The following PIRT variants were observed in gnomAD, a reference collection of about 807,000 sequenced individuals.
PIRT encodes phosphoinositide-interacting protein.
In PIRT, 6 loss-of-function variants were observed where a neutral mutation model predicts 7.9. The ratio of observed to expected loss-of-function variants is 0.76; its 90% CI spans 0.42 to 1.51. The LOEUF is 1.51. Ranked by LOEUF, PIRT falls within the 40% of genes most tolerant of loss-of-function variation. The pLI, the probability that PIRT is intolerant of heterozygous loss-of-function variation, is 0.01. For missense variants in PIRT, 170 were observed against 172.9 expected (o/e 0.98, Z 0.09); for synonymous variants, 78 against 71.8 (o/e 1.09, Z -0.44).
At chr17:10,836,033 G>T (rs1905582238) in intron 1 of PIRT, among the ~76,000 whole-genome samples, 1 of 151,950 alleles carries the variant, frequency 6.6e-6, no homozygotes, top group South Asian at 2.1e-4. Flanking sequence ...CTCCTGAGTA[G>T]CTGGGATTAC....
intron 1 of PIRT, among the ~76,000 whole-genome samples, chr17:10,828,377 A>G (rs1334963570): frequency 1.3e-5 from 2 of 151,926 alleles, no homozygotes; most frequent in Admixed American, 6.6e-5. Flanking sequence ...CTTGGCTTCT[A>G]CCCTCTTTCC....
At chr17:10,826,602 G>C (rs1292725663) in intron 1 of PIRT, among the ~76,000 whole-genome samples, 1 of 152,180 alleles carries the variant, frequency 6.6e-6, no homozygotes, top group Non-Finnish European at 1.5e-5. Flanking sequence ...TGTGAATTAG[G>C]CATTAGTCCT....
chr17:10,828,319 T>C (rs1905382027), intron 1 of PIRT, among the ~76,000 whole-genome samples: 1 of 152,164 alleles, frequency 6.6e-6, no homozygotes, highest in Non-Finnish European at 1.5e-5. Context: ...CCGAGGCTTC[T>C]GCTCTTTCTG....
intron 1 of PIRT, among the ~76,000 whole-genome samples, chr17:10,826,248 G>A (rs1385149495): frequency 1.3e-5 from 2 of 152,178 alleles, no homozygotes; most frequent in Non-Finnish European, 2.9e-5. Flanking sequence ...ACAGGCATGA[G>A]CCACCGCACC....
intron 1 of PIRT, among the ~76,000 whole-genome samples, chr17:10,833,539 G>A (rs185170474): frequency 6.6e-6 from 1 of 152,260 alleles, no homozygotes; most frequent in East Asian, 1.9e-4. Flanking sequence ...GATCACTTGA[G>A]GTCAGGAGTT....
At chr17:10,830,760 G>T (rs539269816) in intron 1 of PIRT, among the ~76,000 whole-genome samples, 5 of 152,188 alleles carry the variant, frequency 3.3e-5, no homozygotes. Context: ...TTTTATTAAA[G>T]CCCCAATAAG....
chr17:10,829,778 T>C (rs904026663), intron 1 of PIRT, among the ~76,000 whole-genome samples: 1 of 152,222 alleles, frequency 6.6e-6, no homozygotes, highest in African/African-American at 2.4e-5. Context: ...TTGTAAGTTT[T>C]TCATAATGTT....
intron 1 of PIRT, among the ~76,000 whole-genome samples, chr17:10,832,276 G>A (rs185469739): frequency 1.5e-4 from 23 of 151,970 alleles, no homozygotes; most frequent in African/African-American, 4.3e-4. Context: ...CACCGCAACC[G>A]CCGCCTCCTG....
chr17:10,833,236 T>C (rs1425383348), intron 1 of PIRT, among the ~76,000 whole-genome samples: 4 of 152,192 alleles, frequency 2.6e-5, no homozygotes, highest in Non-Finnish European at 5.9e-5. Flanking sequence ...ATCCTGGGTC[T>C]AACCTAAATG....
At chr17:10,829,140 C>T (rs1033043382) in intron 1 of PIRT, among the ~76,000 whole-genome samples, 1 of 152,182 alleles carries the variant, frequency 6.6e-6, no homozygotes, top group Non-Finnish European at 1.5e-5. Context: ...GATGTTTGAT[C>T]ATCTTCAGCA....
intron 1 of PIRT, among the ~76,000 whole-genome samples, chr17:10,834,318 T>C (rs1013185884): frequency 1.3e-5 from 2 of 152,182 alleles, no homozygotes; most frequent in African/African-American, 4.8e-5. Context: ...CACAACAGCA[T>C]GGATGAGCCA....
At chr17:10,836,201 C>T (rs1286247236) in intron 1 of PIRT, among the ~76,000 whole-genome samples, 1 of 152,188 alleles carries the variant, frequency 6.6e-6, no homozygotes, top group East Asian at 1.9e-4. Context: ...CTGCACCCGG[C>T]CAATCCTGCT....
At position 10,825,240 on chromosome 17, in the gene PIRT, T is replaced by G; in HGVS notation, c.406A>C (p.Thr136Pro). The G allele has an allele frequency of 6.2e-7, 1 of 1,613,160 alleles. No individual in the cohort carries two copies. Among genetic ancestry groups the G allele is most frequent in the Non-Finnish European group, 8.5e-7 (1 of 1,179,326 alleles). The change falls in exon 2 of 2, where the codon ACT becomes CCT. Residue 136 changes from threonine (T) to proline (P), a missense_variant. Coordinates refer to ENST00000580256, the MANE Select transcript of PIRT (RefSeq NM_001101387.2). Reference sequence around the variant, plus strand: ...AGATGCGGAAACCACCATCAGCGAGTCAGGAAGAAGGACTTGAGGCTGCGT... The same window carrying G: ...AGATGCGGAAACCACCATCAGCGAGGCAGGAAGAAGGACTTGAGGCTGCGT... The part of the protein sequence containing the change: ...FLRSLKSFFL[T>P]R
chr17:10,827,465 C>CTTTTTTTTTTTTTTTTTTT lies in PIRT; in HGVS notation c.-138-1701_-138-1683dup, dbSNP rs546105685. ...TCTTTCTTTTCTTTCTTTTTCTTTT[C>CTTTTTTTTTTTTTTTTTTT]TTTTTTTTTTTTTTTTTTTTTTTTT... On this transcript the variant is annotated intron_variant, in intron 1 of 1. Transcript: ENST00000580256. Among the ~76,000 whole-genome samples the CTTTTTTTTTTTTTTTTTTT allele has an allele frequency of 3.5e-3, 198 of 56,286 alleles. 15 individuals carry two copies. Among genetic ancestry groups the CTTTTTTTTTTTTTTTTTTT allele is most frequent in the South Asian group, 5.0e-3 (5 of 996 alleles). The allele number at this position is 56,286 out of a possible 152,430, so 36.9% of individuals were successfully genotyped here. A position where few individuals can be genotyped will look rare whatever the true frequency, so the allele number is the denominator to read the frequency against.
In PIRT at chr17:10,825,088, C is replaced by T; in HGVS notation, c.*144G>A. On this transcript the variant is annotated 3_prime_UTR_variant, in exon 2 of 2. Coordinates refer to ENST00000580256, the MANE Select transcript of PIRT (RefSeq NM_001101387.2). Reference sequence around the variant, plus strand: ...TTCCCGGCTGCATGGAGGGTGGAGCCCCAAGCTCTATCTTCCCCACAGGGT... The same window carrying T: ...TTCCCGGCTGCATGGAGGGTGGAGCTCCAAGCTCTATCTTCCCCACAGGGT... The T allele has an allele frequency of 9.1e-7, 1 of 1,097,130 alleles. No individual in the cohort carries two copies. The highest frequency in any genetic ancestry group is 1.3e-6 in the Non-Finnish European group (1 of 778,070). The allele number at this position is 1,097,130 out of a possible 1,614,324, so 68.0% of individuals were successfully genotyped here.
chr17:10,825,622 C>G lies in PIRT; in HGVS notation c.24G>C (p.Lys8Asn), dbSNP rs1474513855. The G allele has an allele frequency of 6.7e-7, 1 of 1,499,790 alleles. No homozygotes were observed. Among genetic ancestry groups the G allele is most frequent in the Admixed American group, 2.3e-5 (1 of 43,514 alleles). The allele number at this position is 1,499,790 out of a possible 1,614,324, so 92.9% of individuals were successfully genotyped here. A position where few individuals can be genotyped will look rare whatever the true frequency, so the allele number is the denominator to read the frequency against. The change falls in exon 2 of 2, where the codon AAG becomes AAC. Residue 8 changes from lysine (K) to asparagine (N), a missense_variant. Transcript: ENST00000580256. ...GAGACTTCTCATCGACCTCTAGAAC[C>G]TTGGGGAGAGTCTCCATCGTCATGG... MTMETLP[K>N]VLEVDEKSPE...
intron 1 of PIRT, among the ~76,000 whole-genome samples, chr17:10,831,049 T>C (rs1035592237): frequency 6.6e-6 from 1 of 152,194 alleles, no homozygotes; most frequent in Non-Finnish European, 1.5e-5. Context: ...CCTTTCCTCC[T>C]GCCTAGCTTG....
intron 1 of PIRT, among the ~76,000 whole-genome samples, chr17:10,826,655 C>A (rs1389245069): frequency 6.6e-6 from 1 of 152,162 alleles, no homozygotes; most frequent in African/African-American, 2.4e-5. Context: ...GGTGAAGCAA[C>A]TTCTTGAAGA....
chr17:10,826,125 G>A (rs1231310381), intron 1 of PIRT, among the ~76,000 whole-genome samples: 1 of 152,060 alleles, frequency 6.6e-6, no homozygotes, highest in African/African-American at 2.4e-5. Flanking sequence ...CATGAAGCCT[G>A]GCTAATTTGT....
Sources: allele counts gnomAD v4.1 joint callset (sites outside exome capture counted in the v4.1 genomes callset), GRCh38; gene constraint gnomAD v4.1.1; transcripts MANE v1.5; gene names NCBI Gene and HGNC (gene_info 2026-07-23, HGNC 2026-07-21).